Variants in ARAP2 observed in about 807,000 individuals in gnomAD.
ARAP2 encodes the protein ArfGAP with RhoGAP domain, ankyrin repeat and PH domain 2.
In ARAP2, 148 loss-of-function variants were observed where a neutral mutation model predicts 194.5. The ratio of observed to expected loss-of-function variants is 0.76; its 90% confidence interval spans 0.67 to 0.87. The LOEUF (loss-of-function observed/expected upper bound fraction) is 0.87. Ranked by LOEUF, ARAP2 falls within the 40% of genes least tolerant of loss-of-function variation. The pLI, the probability that ARAP2 is intolerant of heterozygous loss-of-function variation, is 0.00. For missense variants in ARAP2, 2,128 were observed against 1,989.7 expected (o/e 1.07, Z -1.32); for synonymous variants, 695 against 683.5 (o/e 1.02, Z -0.26).
chr4:36,056,674 T>C (rs1362182936), intron 2 of ARAP2, among the ~76,000 whole-genome samples: 1 of 152,140 alleles, frequency 6.6e-6, no homozygotes, highest in Non-Finnish European at 1.5e-5. Flanking sequence ...CTTACTACTA[T>C]TGTTTTCAGT....
At chr4:36,221,898 G>T (rs1357927410) in intron 2 of ARAP2, among the ~76,000 whole-genome samples, 1 of 152,088 alleles carries the variant, frequency 6.6e-6, no homozygotes, top group African/African-American at 2.4e-5. Context: ...TATCAGCCCT[G>T]TGAAGTAGGA....
rs1210963888 is a variant in ARAP2 at position 36,229,138 on chromosome 4, G to A, written c.349C>T (p.Pro117Ser). ...SNSGSVQTSS[P>S]PQLETVRKNL... ...TTTCTAACAGTCTCCAACTGCGGTG[G>A]GCTAGATGTCTGAACACTACCAGAA... The change falls in exon 2 of 33, where the codon CCA becomes TCA. Residue 117 changes from proline (P) to serine (S), a missense_variant. Transcript: ENST00000303965. 5.6e-6 allele frequency: 9 copies of A among 1,613,922 alleles called. No homozygotes were observed. The highest frequency in any genetic ancestry group is 5.0e-5 in the Admixed American group (3 of 59,972).
chr4:36,019,962 T>C (rs904238109), intron 5 of ARAP2, among the ~76,000 whole-genome samples: 8 of 152,220 alleles, frequency 5.3e-5, no homozygotes, highest in African/African-American at 1.7e-4. Context: ...TTTTTTTCCC[T>C]GTAAATACAT....
chr4:36,057,331 A>G (rs1723687899), intron 2 of ARAP2, among the ~76,000 whole-genome samples: 2 of 151,354 alleles, frequency 1.3e-5, no homozygotes, highest in South Asian at 4.2e-4. Flanking sequence ...GTTTTATTAC[A>G]ATGTAATTTT....
At chr4:36,207,068 A>T (rs990516501) in intron 6 of ARAP2, among the ~76,000 whole-genome samples, 2 of 152,214 alleles carry the variant, frequency 1.3e-5, no homozygotes, top group Non-Finnish European at 2.9e-5. Context: ...TAATTTATGC[A>T]TCTCCTCGAA....
chr4:36,031,666 C>CTTTTTTT (rs67436021), intron 5 of ARAP2, among the ~76,000 whole-genome samples: 11 of 146,224 alleles, frequency 7.5e-5, no homozygotes, highest in Non-Finnish European at 9.0e-5. Context: ...GATTTAAAAT[C>CTTTTTTT]TTTTTTTTTT....
At chr4:36,055,494 A>G (rs2175323) in intron 2 of ARAP2, among the ~76,000 whole-genome samples, 142,253 of 152,326 alleles carry the variant, frequency 0.93, 66,453 homozygotes, top group South Asian at 0.96. Flanking sequence ...GATTCAACTC[A>G]GCAGTCTCAT....
downstream of ARAP2, chr4:36,065,603 G>T: frequency 4.9e-6 from 1 of 204,878 alleles, no homozygotes; most frequent in South Asian, 6.3e-5. Context: ...TGGCCTGGGT[G>T]ACAGGCACTG....
intron 6 of ARAP2, among the ~76,000 whole-genome samples, 172 bp from the exon 7 acceptor site, chr4:36,193,819 A>G (rs376386012): frequency 6.6e-6 from 1 of 152,244 alleles, no homozygotes; most frequent in Non-Finnish European, 1.5e-5. Context: ...AAAAAATAGC[A>G]TAATAGTACT....
At chr4:36,155,104 A>G (rs1283160031) in intron 15 of ARAP2, among the ~76,000 whole-genome samples, 2 of 152,198 alleles carry the variant, frequency 1.3e-5, no homozygotes, top group Admixed American at 6.5e-5. Flanking sequence ...ACCCATTTAC[A>G]CTAGTAGTAA....
At chr4:36,029,976 C>A (rs1221177253) in intron 5 of ARAP2, among the ~76,000 whole-genome samples, 1 of 152,102 alleles carries the variant, frequency 6.6e-6, no homozygotes, top group South Asian at 2.1e-4. Context: ...TATTCTTCCA[C>A]CCTTGTCTCC....
In ARAP2 at chr4:36,212,502, A is replaced by T. The variant is rs1422569848; in HGVS notation, c.1042-15T>A. The T allele has an allele frequency of 6.3e-7, 1 of 1,595,264 alleles. No homozygotes were observed. Among genetic ancestry groups the T allele is most frequent in the African/African-American group, 1.3e-5 (1 of 74,592 alleles). On this transcript the variant is annotated splice_polypyrimidine_tract_variant and intron_variant, in intron 4 of 32. Transcript: ENST00000303965. ...ATAGATCGCTTCTATTAAAAAAGCA[A>T]ACAAACAAAAAACACATACTGTTTT...
intron 13 of ARAP2, 57 bp downstream of exon 13, chr4:36,160,402 G>T: frequency 7.3e-7 from 1 of 1,376,576 alleles, no homozygotes; most frequent in South Asian, 1.8e-5. Context: ...CAAGAATCTT[G>T]GCACATCATT....
intron 27 of ARAP2, among the ~76,000 whole-genome samples, chr4:36,098,494 A>G (rs1052337936): frequency 1.3e-5 from 2 of 151,990 alleles, no homozygotes. Context: ...TACTGTTCTA[A>G]TGATTAAAGC....
Position 36,161,262 on chromosome 4 carries a change from TTTAA to T in ARAP2, c.2259+199_2259+202del, listed in dbSNP as rs756626356. On this transcript the variant is annotated intron_variant, in intron 12 of 32. Coordinates refer to ENST00000303965, the MANE Select transcript of ARAP2 (RefSeq NM_015230.4). ...GTACTTATTAAGGATCTTCTATACTTTTAAAATAACTATCTCATTTAGGAAGCAT... is the reference window on the plus strand; with the variant it reads ...GTACTTATTAAGGATCTTCTATACTTAATAACTATCTCATTTAGGAAGCAT... Among the ~76,000 whole-genome samples, 3 of 152,084 alleles carry T rather than the reference TTTAA, an allele frequency of 2.0e-5. No homozygotes were observed. The South Asian group carries it at 6.3e-4, about 32-fold the overall frequency.
chr4:36,093,750 C>T (rs11930398), intron 27 of ARAP2, among the ~76,000 whole-genome samples: 2 of 151,982 alleles, frequency 1.3e-5, no homozygotes, highest in African/African-American at 4.8e-5. Flanking sequence ...CCTGACAGAA[C>T]GTTTTTTCAG....
chr4:36,102,729 A>C (rs1717318237), intron 27 of ARAP2, among the ~76,000 whole-genome samples: 1 of 151,958 alleles, frequency 6.6e-6, no homozygotes, highest in Admixed American at 6.6e-5. Context: ...CATACATTTA[A>C]AATTTCTGTT....
intron 27 of ARAP2, among the ~76,000 whole-genome samples, chr4:36,096,007 G>C (rs1715061004): frequency 6.6e-6 from 1 of 151,902 alleles, no homozygotes; most frequent in Non-Finnish European, 1.5e-5. Context: ...TGATATTAAG[G>C]TGATAGAACT....
At chr4:36,147,389 T>C in intron 18 of ARAP2, 30 bp from the exon 19 acceptor site, 1 of 1,610,058 alleles carries the variant, frequency 6.2e-7, no homozygotes, top group South Asian at 1.1e-5. Context: ...CAAAAATTTA[T>C]TTTTTAAAAC....
Sources: allele counts gnomAD v4.1 joint callset (sites outside exome capture counted in the v4.1 genomes callset), GRCh38; gene constraint gnomAD v4.1.1; transcripts MANE v1.5; gene names NCBI Gene and HGNC (gene_info 2026-07-23, HGNC 2026-07-21).